INSR: variants seen among roughly 807,000 people sequenced by gnomAD.
INSR encodes the protein insulin receptor.
Under a neutral mutation model 142.6 loss-of-function variants are expected in INSR, and 67 were observed. That is an observed-to-expected ratio of 0.47 (90% CI 0.39 to 0.58). The LOEUF (loss-of-function observed/expected upper bound fraction) is 0.58, where lower values mean the gene tolerates loss of function less well. INSR is among the 20% of genes least tolerant of loss of function. The pLI is 0.00. For synonymous variants in INSR, 756 were observed against 743.1 expected, an observed-to-expected ratio of 1.02 and a Z score of -0.28; for missense variants, 1,248 against 1,833.2, an observed-to-expected ratio of 0.68 and a Z score of 5.83.
At chr19:7,160,724 G>A (rs1046169234) in intron 9 of INSR, among the ~76,000 whole-genome samples, 18 of 152,038 alleles carry the variant, frequency 1.2e-4, no homozygotes, top group East Asian at 1.9e-4. Flanking sequence ...TAGGCTGGGC[G>A]CGGTGGCTCA....
intron 2 of INSR, among the ~76,000 whole-genome samples, chr19:7,265,710 TAAC>T (rs1428963161): frequency 5.6e-5 from 8 of 144,000 alleles, no homozygotes; most frequent in African/African-American, 2.1e-4. Context: ...ACTCCAGTCT[TAAC>T]AACAAGAGTG....
intron 8 of INSR, among the ~76,000 whole-genome samples, chr19:7,165,837 C>T (rs953876579): frequency 7.5e-5 from 11 of 147,568 alleles, no homozygotes; most frequent in African/African-American, 1.3e-4. Context: ...CACTCCAGTC[C>T]GGGTGACAGA....
Position 7,145,982 on chromosome 19 carries a change from T to C in INSR, c.2268-2892A>G, listed in dbSNP as rs1973175094. 2.0e-5 allele frequency among the ~76,000 whole-genome samples: 3 copies of C among 152,326 alleles called. No homozygotes were observed. The South Asian group carries it at 6.2e-4, about 32-fold the overall frequency. On this transcript the variant is annotated intron_variant, in intron 11 of 21. Coordinates refer to ENST00000302850, the MANE Select transcript of INSR (RefSeq NM_000208.4). Reference sequence around the variant, plus strand: ...AAGAAATATTCTATTATGAGTTTTATGAAGCCTCTTTTTTTCCTCCCCTTT... The same window carrying C: ...AAGAAATATTCTATTATGAGTTTTACGAAGCCTCTTTTTTTCCTCCCCTTT...
At chr19:7,154,587 C>T (rs1020889215) in intron 9 of INSR, among the ~76,000 whole-genome samples, 7 of 148,226 alleles carry the variant, frequency 4.7e-5, no homozygotes, top group East Asian at 4.3e-4. Context: ...CAGGCGTGAG[C>T]CACTGCACCC....
At chr19:7,171,179 G>A (rs2144951777) in intron 5 of INSR, among the ~76,000 whole-genome samples, 1 of 152,098 alleles carries the variant, frequency 6.6e-6, no homozygotes, top group South Asian at 2.1e-4. Context: ...CCAAGAACAT[G>A]TGGCCATCCT....
chr19:7,197,884 G>A (rs1974821325), intron 2 of INSR, among the ~76,000 whole-genome samples: 1 of 148,624 alleles, frequency 6.7e-6, no homozygotes, highest in Non-Finnish European at 1.5e-5. Flanking sequence ...GTGTGTGTCT[G>A]TGCAGCCCCA....
At chr19:7,165,842 G>A (rs1430341438) in intron 8 of INSR, among the ~76,000 whole-genome samples, 14 of 149,066 alleles carry the variant, frequency 9.4e-5, no homozygotes, top group African/African-American at 3.2e-4. Flanking sequence ...CAGTCCGGGT[G>A]ACAGAGTGAG....
Position 7,237,960 on chromosome 19 carries a change from T to C in INSR, c.652+29385A>G, listed in dbSNP as rs569882735. ...ATCCCAAAATCAAAATGTTCAGTTA[T>C]GTACAAAACCAGGAAGAAAAAGGCA... On this transcript the variant is annotated intron_variant, in intron 2 of 21. Transcript: ENST00000302850. Among the ~76,000 whole-genome samples the C allele has an allele frequency of 3.4e-4, 52 of 152,278 alleles. No homozygotes were observed. The South Asian group carries it at 9.7e-3, about 29-fold the overall frequency.
chr19:7,202,807 G>A (rs553152876), intron 2 of INSR, among the ~76,000 whole-genome samples: 3 of 152,132 alleles, frequency 2.0e-5, no homozygotes, highest in East Asian at 1.9e-4. Flanking sequence ...AGCCCTTTTC[G>A]GTTTTTTTGT....
chr19:7,145,967 C>A lies in INSR; in HGVS notation c.2268-2877G>T, dbSNP rs143322326. On this transcript the variant is annotated intron_variant, in intron 11 of 21. Coordinates refer to ENST00000302850, the MANE Select transcript of INSR (RefSeq NM_000208.4). ...ATATTTATCTTGTAGAAGAAATATT[C>A]TATTATGAGTTTTATGAAGCCTCTT... Among the ~76,000 whole-genome samples the A allele has an allele frequency of 2.7e-3, 405 of 152,188 alleles. 6 individuals carry two copies. In the East Asian group the frequency reaches 0.042, roughly 16 times the overall value.
At position 7,152,773 on chromosome 19, in the gene INSR, A is replaced by G. The variant is rs1973407308; in HGVS notation, c.2184T>C (p.Phe728=). 7 of 1,613,278 alleles carry G rather than the reference A, an allele frequency of 4.3e-6. No individual in the cohort carries two copies. Among genetic ancestry groups the G allele is most frequent in the Non-Finnish European group, 5.9e-6 (7 of 1,179,942 alleles). ...QILKELEESS[F]RKTFEDYLHN... ...GCAGGTAATCCTCAAACGTCTTCCTAAACGAGGACTCCTCCAGCTCCTTCA... is the reference window on the plus strand; with the variant it reads ...GCAGGTAATCCTCAAACGTCTTCCTGAACGAGGACTCCTCCAGCTCCTTCA... The change falls in exon 10 of 22, where the codon TTT becomes TTC. Residue 728 remains phenylalanine, a synonymous_variant. Transcript: ENST00000302850.
chr19:7,232,974 C>T (rs1976033211), intron 2 of INSR, among the ~76,000 whole-genome samples: 1 of 152,116 alleles, frequency 6.6e-6, no homozygotes, highest in Admixed American at 6.5e-5. Context: ...GCTTGTGATA[C>T]ATGTTGGGTT....
rs1439981652 is a variant in INSR, at chr19:7,125,970, G to A, written c.3014-443C>T. ...GGTGGAGTCTATCTCACCACCCCTT[G>A]GCCCTGGGCATGGCCTTGTGAGTTA... On this transcript the variant is annotated intron_variant, in intron 16 of 21. Transcript: ENST00000302850. This position sits in a 1 kb window ranked among gnomAD's most constrained non-coding sequence, Gnocchi z 4.9. Among the ~76,000 whole-genome samples, 2 of 152,118 alleles carry A rather than the reference G, an allele frequency of 1.3e-5. No individual in the cohort carries two copies. The highest frequency in any genetic ancestry group is 2.9e-5 in the Non-Finnish European group (2 of 68,032).
rs777790419 is a variant in INSR, at chr19:7,113,648, C to CT, written c.*3407dup. ...GTGTTATCCTAAGCTGGTTTTGTTGCTTTTTGTTGTTGTTGTTGCAACTTA... is the reference window on the plus strand; with the variant it reads ...GTGTTATCCTAAGCTGGTTTTGTTGCTTTTTTGTTGTTGTTGTTGCAACTTA... On this transcript the variant is annotated 3_prime_UTR_variant, in exon 22 of 22. Coordinates refer to ENST00000302850, the MANE Select transcript of INSR (RefSeq NM_000208.4). The CT allele has an allele frequency of 2.0e-5, 3 of 152,256 alleles. No homozygotes were observed. Among genetic ancestry groups the CT allele is most frequent in the South Asian group, 2.1e-4 (1 of 4,820 alleles). The allele number at this position is 152,256 out of a possible 1,614,324, so 9.4% of individuals were successfully genotyped here. A position where few individuals can be genotyped will look rare whatever the true frequency, so the allele number is the denominator to read the frequency against.
At chr19:7,210,078 C>T (rs78582582) in intron 2 of INSR, among the ~76,000 whole-genome samples, 3,747 of 152,068 alleles carry the variant, frequency 0.025, 132 homozygotes, top group African/African-American at 0.079. Flanking sequence ...GGCGCAGTGG[C>T]TCACACCCGT....
At chr19:7,248,742 C>T (rs1010013563) in intron 2 of INSR, among the ~76,000 whole-genome samples, 4 of 138,894 alleles carry the variant, frequency 2.9e-5, no homozygotes, top group Admixed American at 7.7e-5. Flanking sequence ...GGACTATTCC[C>T]GGTTGGCCAG....
chr19:7,172,852 G>A (rs59387876), intron 4 of INSR, among the ~76,000 whole-genome samples: 7,413 of 144,832 alleles, frequency 0.051, 238 homozygotes, highest in Non-Finnish European at 0.069. Flanking sequence ...GGCCAACATG[G>A]TGAAACCCTG....
intron 1 of INSR, among the ~76,000 whole-genome samples, chr19:7,270,192 C>T (rs552212240): frequency 2.8e-4 from 43 of 152,264 alleles, no homozygotes; most frequent in Middle Eastern, 3.4e-3. Context: ...TCGTGATCCA[C>T]CCGCCTCAGC....
intron 1 of INSR, among the ~76,000 whole-genome samples, chr19:7,286,952 T>G (rs1968359349): frequency 6.6e-6 from 1 of 151,536 alleles, no homozygotes; most frequent in Non-Finnish European, 1.5e-5. Flanking sequence ...CCTCAAGAGG[T>G]CCTCCCATCT....
Sources: gnomAD v4.1 joint callset for allele counts (sites outside exome capture counted in the v4.1 genomes callset) on GRCh38, gnomAD v4.1.1 for gene constraint, Gnocchi (gnomAD v3.1) non-coding constraint, MANE v1.5 for transcripts, NCBI Gene and HGNC (gene_info 2026-07-23, HGNC 2026-07-21) for gene names.